Variants in COL22A1 observed in about 807,000 individuals in gnomAD.
The protein encoded by COL22A1 is collagen type XXII alpha 1 chain, also known as collagen alpha-1(XXII) chain.
A neutral mutation model predicts 248.9 loss-of-function variants in COL22A1; 221 were observed. That is an observed-to-expected ratio of 0.89 (90% CI 0.80 to 0.99). The LOEUF (loss-of-function observed/expected upper bound fraction) is 0.99, where lower values mean the gene tolerates loss of function less well. Ranked by LOEUF, COL22A1 falls within the 50% of genes least tolerant of loss-of-function variation. The probability of loss-of-function intolerance (pLI) is 0.00; values close to 1 mark genes in which losing one functional copy is unlikely to be tolerated. For synonymous variants in COL22A1, 891 were observed against 793.4 expected (o/e 1.12, Z -2.07); for missense variants, 2,240 against 2,179.0 (o/e 1.03, Z -0.56).
At chr8:138,656,504 A>G (rs1014520321) in intron 44 of COL22A1, among the ~76,000 whole-genome samples, 5 of 152,192 alleles carry the variant, frequency 3.3e-5, no homozygotes, top group African/African-American at 1.2e-4. Flanking sequence ...GAGCCTCTAC[A>G]GGTAGGTAGG....
At chr8:138,724,781 G>T in intron 24 of COL22A1, 113 bp from the exon 25 acceptor site, 1 of 970,984 alleles carries the variant, frequency 1.0e-6, no homozygotes, top group South Asian at 1.3e-5. Context: ...AGGGCACCCT[G>T]GGGCCTCTAC....
chr8:138,694,764 C>A lies in COL22A1; in HGVS notation c.2646+62G>T. On this transcript the variant is annotated intron_variant, in intron 33 of 64. Coordinates refer to ENST00000303045, the MANE Select transcript of COL22A1 (RefSeq NM_152888.3). The stretch of plus-strand genomic sequence containing the variant: ...ACGGTGCAGATCTACAGCTGGTCAG[C>A]CTTTGGAGTCCGGGTCTCCAGGTAA... The A allele has an allele frequency of 2.5e-6, 4 of 1,580,536 alleles. No individual in the cohort carries two copies. The South Asian group carries it at 4.5e-5, about 18-fold the overall frequency.
chr8:138,758,642 C>T (rs189593027), intron 18 of COL22A1, among the ~76,000 whole-genome samples: 1 of 152,312 alleles, frequency 6.6e-6, no homozygotes, highest in Admixed American at 6.5e-5. Context: ...CTCTGCAGTT[C>T]CAGTGACTTT....
At chr8:138,878,428 CTG>C in intron 2 of COL22A1, 112 bp from the exon 3 acceptor site, 1 of 937,624 alleles carries the variant, frequency 1.1e-6, no homozygotes, top group Non-Finnish European at 1.5e-6. Context: ...CCTACCTGCC[CTG>C]TCTCTCATGA....
intron 1 of COL22A1, among the ~76,000 whole-genome samples, chr8:138,901,358 G>GGTTT (rs1554660859): frequency 2.3e-5 from 3 of 131,514 alleles, no homozygotes; most frequent in Non-Finnish European, 1.6e-5. Context: ...TTACTGGCAG[G>GGTTT]TTTTTTTTTT....
At chr8:138,857,767 C>G (rs532042264) in intron 3 of COL22A1, among the ~76,000 whole-genome samples, 1 of 152,336 alleles carries the variant, frequency 6.6e-6, no homozygotes, top group East Asian at 1.9e-4. Flanking sequence ...TGGTCCAACC[C>G]CCTTGTTTTA....
intron 30 of COL22A1, among the ~76,000 whole-genome samples, chr8:138,706,705 C>A (rs1285633123): frequency 1.3e-5 from 2 of 152,098 alleles, no homozygotes; most frequent in Non-Finnish European, 2.9e-5. Context: ...AAAATTGACA[C>A]CCTAACATCA....
At chr8:138,735,336 A>G (rs1036325909) in intron 23 of COL22A1, among the ~76,000 whole-genome samples, 1 of 152,184 alleles carries the variant, frequency 6.6e-6, no homozygotes, top group Non-Finnish European at 1.5e-5. Context: ...AACCACTGAG[A>G]TCCCTGAACA....
At chr8:138,910,252 AC>A (rs1280844736) in intron 1 of COL22A1, among the ~76,000 whole-genome samples, 19 of 152,346 alleles carry the variant, frequency 1.2e-4, no homozygotes, top group Non-Finnish European at 2.4e-4. Flanking sequence ...CGGTCTGGCC[AC>A]CTGGCCTTGG....
intron 3 of COL22A1, among the ~76,000 whole-genome samples, chr8:138,846,384 T>G (rs1172147682): frequency 1.3e-5 from 2 of 152,188 alleles, no homozygotes; most frequent in Admixed American, 1.3e-4. Flanking sequence ...TTGAGTCACA[T>G]CTCTGCAAAT....
chr8:138,802,330 G>C (rs1201468886), intron 11 of COL22A1, among the ~76,000 whole-genome samples: 1 of 152,040 alleles, frequency 6.6e-6, no homozygotes, highest in South Asian at 2.1e-4. Context: ...GCCAGGTGCT[G>C]GAAACTCTGT....
intron 15 of COL22A1, chr8:138,777,982 A>C (rs1275613192): frequency 5.8e-6 from 2 of 343,652 alleles, no homozygotes; most frequent in Non-Finnish European, 1.1e-5. Context: ...CCAGGGGCTA[A>C]GAATTCAGTA....
In COL22A1 at chr8:138,655,426, A is replaced by G. The variant is rs148283419; in HGVS notation, c.3333+471T>C. On this transcript the variant is annotated intron_variant, in intron 45 of 64. Coordinates refer to ENST00000303045, the MANE Select transcript of COL22A1 (RefSeq NM_152888.3). ...CAGGCTGGAGTGCAGTTGCATGCCCATGGCTCACTGCAGCCTCTACCTCCC... is the reference window on the plus strand; with the variant it reads ...CAGGCTGGAGTGCAGTTGCATGCCCGTGGCTCACTGCAGCCTCTACCTCCC... Among the ~76,000 whole-genome samples the G allele has an allele frequency of 3.7e-3, 571 of 152,276 alleles. 4 individuals are homozygous for G. The highest frequency in any genetic ancestry group is 0.013 in the African/African-American group (545 of 41,556).
rs1230675371 is a variant in COL22A1 at position 138,902,780 on chromosome 8, ACACACT to A, written c.-73+10833_-73+10838del. 8.6e-5 allele frequency among the ~76,000 whole-genome samples: 13 copies of A among 150,554 alleles called. No homozygotes were observed. In the East Asian group the frequency reaches 1.2e-3, roughly 13 times the overall value. The stretch of plus-strand genomic sequence containing the variant: ...CACACACACACACACACACACACAC[ACACACT>A]AGAACTGACTGGGCTGGTCTCTGTT... On this transcript the variant is annotated intron_variant, in intron 1 of 64. Coordinates refer to ENST00000303045, the MANE Select transcript of COL22A1 (RefSeq NM_152888.3).
rs1564142962 is a variant in COL22A1, at chr8:138,649,713, G to T, written c.3399C>A (p.Asp1133Glu). Residue 1133 changes from aspartate to glutamate, a missense_variant, in exon 46 of 65, where the codon GAC becomes GAA. Asp to Glu is a conservative substitution (Grantham distance 45). Coordinates refer to ENST00000303045, the MANE Select transcript of COL22A1 (RefSeq NM_152888.3). ...TCCCTGGCTTTCCTGGGACACCTTT[G>T]TCCCCTTTAAAACCTGGTAGACCAG... ...GLPGLPGFKG[D>E]KGVPGKPGRE... 2 of 1,613,010 alleles carry T rather than the reference G, an allele frequency of 1.2e-6. No individual in the cohort carries two copies. The highest frequency in any genetic ancestry group is 2.2e-5 in the East Asian group (1 of 44,816).
intron 31 of COL22A1, among the ~76,000 whole-genome samples, chr8:138,701,356 C>T (rs552895643): frequency 4.6e-5 from 7 of 152,154 alleles, no homozygotes; most frequent in Admixed American, 2.0e-4. Flanking sequence ...GGTCCCAGCA[C>T]GGGCCCGAAA....
intron 1 of COL22A1, among the ~76,000 whole-genome samples, chr8:138,898,953 G>A (rs571552318): frequency 3.3e-5 from 5 of 152,216 alleles, no homozygotes; most frequent in Non-Finnish European, 5.9e-5. Context: ...AACCTGATAC[G>A]TTGTCACAGA....
intron 16 of COL22A1, among the ~76,000 whole-genome samples, chr8:138,766,442 TG>T (rs975758879): frequency 7.7e-6 from 1 of 129,848 alleles, no homozygotes; most frequent in Admixed American, 8.1e-5. Context: ...AAGAGAAGAG[TG>T]GGGGTGGGGG....
intron 16 of COL22A1, among the ~76,000 whole-genome samples, chr8:138,773,062 A>C (rs918843897): frequency 2.0e-5 from 3 of 152,228 alleles, no homozygotes; most frequent in African/African-American, 7.2e-5. Context: ...TTCTTTAAAA[A>C]ACAAACAAAG....
Sources: gnomAD v4.1 joint callset for allele counts (sites outside exome capture counted in the v4.1 genomes callset) on GRCh38, gnomAD v4.1.1 for gene constraint, MANE v1.5 for transcripts, NCBI Gene and HGNC (gene_info 2026-07-23, HGNC 2026-07-21) for gene names.